The following FBXO36 variants were observed in gnomAD, a reference collection of about 807,000 sequenced individuals.
FBXO36 encodes F-box protein 36.
Under a neutral mutation model 17.0 loss-of-function variants are expected in FBXO36, and 18 were observed. The observed-to-expected ratio is 1.06, with a 90% confidence interval of 0.73 to 1.57. FBXO36 has a LOEUF of 1.57. Among genes scored for constraint, FBXO36 ranks in the 40% most tolerant of loss-of-function variants. The pLI, the probability that FBXO36 is intolerant of heterozygous loss-of-function variation, is 0.00. For missense variants in FBXO36, 229 were observed against 221.9 expected, an observed-to-expected ratio of 1.03 and a Z score of -0.20; for synonymous variants, 83 against 85.3, an observed-to-expected ratio of 0.97 and a Z score of 0.15.
chr2:229,922,550 G>A lies in FBXO36; in HGVS notation c.37G>A (p.Val13Ile), dbSNP rs2076760105. 4 of 1,613,950 alleles carry A rather than the reference G, an allele frequency of 2.5e-6. No individual in the cohort carries two copies. In the South Asian group the frequency reaches 4.4e-5, roughly 18 times the overall value. Residue 13 changes from valine to isoleucine, a missense_variant, in exon 1 of 4, where the codon GTA (valine) becomes ATA (isoleucine). Val to Ile is a conservative substitution (Grantham distance 29). Coordinates refer to ENST00000283946, the MANE Select transcript of FBXO36 (RefSeq NM_174899.5). Reference protein sequence around the residue: ...SWLPETLFETVGQGPPPSKDY... With the variant: ...SWLPETLFETIGQGPPPSKDY... Reference sequence around the variant, plus strand: ...GCTGCCGGAGACTCTCTTTGAAACTGTAGGACAAGGCCCGCCGCCTAGCAA... The same window carrying A: ...GCTGCCGGAGACTCTCTTTGAAACTATAGGACAAGGCCCGCCGCCTAGCAA...
rs754629116 is a variant in FBXO36, at chr2:229,996,882, G to T, written c.337G>T (p.Asp113Tyr). 3 of 1,614,002 alleles carry T rather than the reference G, an allele frequency of 1.9e-6. No individual in the cohort carries two copies. Among genetic ancestry groups the T allele is most frequent in the Non-Finnish European group, 2.5e-6 (3 of 1,179,978 alleles). The stretch of plus-strand genomic sequence containing the variant: ...TATCATTTCTTATCTGGATCTTGAA[G>T]ATATTGCCAGGCTTTGTCAAACATC... ...LTIISYLDLE[D>Y]IARLCQTSHR... Residue 113 changes from aspartate (D) to tyrosine (Y), a missense_variant, in exon 3 of 4, where the codon GAT (aspartate) becomes TAT (tyrosine). Asp to Tyr is a radical substitution (Grantham distance 160). Transcript: ENST00000283946.
chr2:229,948,692 G>A (rs954590958), intron 1 of FBXO36, among the ~76,000 whole-genome samples: 2 of 152,142 alleles, frequency 1.3e-5, no homozygotes, highest in Non-Finnish European at 2.9e-5. Flanking sequence ...TGTCTAGAAT[G>A]CAGATTCTGT....
chr2:229,943,151 C>G (rs572422607), intron 1 of FBXO36: 1 of 152,328 alleles, frequency 6.6e-6, no homozygotes, highest in Non-Finnish European at 1.5e-5. Context: ...CCAGAGACAA[C>G]CTACCTACAG....
At chr2:229,983,485 T>C (rs904948501) in intron 2 of FBXO36, among the ~76,000 whole-genome samples, 4 of 152,098 alleles carry the variant, frequency 2.6e-5, no homozygotes, top group African/African-American at 7.2e-5. Flanking sequence ...TTTTATTTTT[T>C]AGTAGAGATG....
At chr2:229,948,134 CAAAAA>C (rs879538129) in intron 1 of FBXO36, among the ~76,000 whole-genome samples, 1 of 117,390 alleles carries the variant, frequency 8.5e-6, no homozygotes, top group Non-Finnish European at 1.8e-5. Context: ...CCTTTCTCTA[CAAAAA>C]AAAAAAAAAT....
chr2:229,973,895 A>G (rs1346307583), intron 1 of FBXO36, among the ~76,000 whole-genome samples: 1 of 150,732 alleles, frequency 6.6e-6, no homozygotes, highest in Non-Finnish European at 1.5e-5. Flanking sequence ...AAAAAAATAC[A>G]AAAATTAGCC....
At chr2:229,938,747 C>CA (rs1257853278) in intron 1 of FBXO36, among the ~76,000 whole-genome samples, 2 of 119,292 alleles carry the variant, frequency 1.7e-5, no homozygotes, top group Admixed American at 9.6e-5. Flanking sequence ...TTCTTACCCC[C>CA]AAAAAACCTT....
intron 2 of FBXO36, among the ~76,000 whole-genome samples, chr2:229,980,006 T>A (rs1348901036): frequency 6.6e-6 from 1 of 152,140 alleles, no homozygotes; most frequent in Non-Finnish European, 1.5e-5. Context: ...TAAAGTAAAC[T>A]TCCATAAAAC....
chr2:229,983,140 C>G (rs7577278), intron 2 of FBXO36, among the ~76,000 whole-genome samples: 1 of 151,738 alleles, frequency 6.6e-6, no homozygotes, highest in African/African-American at 2.4e-5. Flanking sequence ...CTTTGGGAAG[C>G]CAAGGTGGGT....
chr2:229,967,419 A>C (rs1308101813), intron 1 of FBXO36, among the ~76,000 whole-genome samples: 5 of 152,186 alleles, frequency 3.3e-5, no homozygotes, highest in Non-Finnish European at 7.3e-5. Flanking sequence ...ACCATGTTGA[A>C]TAGGAGTGGT....
chr2:229,933,739 G>A (rs528561559), intron 1 of FBXO36, among the ~76,000 whole-genome samples: 1 of 152,194 alleles, frequency 6.6e-6, no homozygotes, highest in Admixed American at 6.5e-5. Flanking sequence ...AGGCTGGAGT[G>A]CAATAGCACC....
chr2:229,963,564 C>T (rs1330195020), intron 1 of FBXO36, among the ~76,000 whole-genome samples: 1 of 151,796 alleles, frequency 6.6e-6, no homozygotes, highest in African/African-American at 2.4e-5. Flanking sequence ...CCTGCCTCAG[C>T]CTCCCGAGTA....
At chr2:229,924,358 G>T (rs989141934) in intron 1 of FBXO36, among the ~76,000 whole-genome samples, 1 of 152,172 alleles carries the variant, frequency 6.6e-6, no homozygotes, top group Non-Finnish European at 1.5e-5. Flanking sequence ...CTCCCAAATT[G>T]CTAGGATTAT....
At chr2:229,933,088 G>GAGT (rs2076947504) in intron 1 of FBXO36, among the ~76,000 whole-genome samples, 1 of 152,132 alleles carries the variant, frequency 6.6e-6, no homozygotes, top group Admixed American at 6.5e-5. Context: ...GAAAAAAATT[G>GAGT]AGTTTGCATC....
chr2:229,964,204 A>G (rs2077139228), intron 1 of FBXO36, among the ~76,000 whole-genome samples: 1 of 152,086 alleles, frequency 6.6e-6, no homozygotes, highest in African/African-American at 2.4e-5. Context: ...TTGTTTTCAA[A>G]TCACATTTGA....
At chr2:229,956,291 T>C (rs1454371397) in intron 1 of FBXO36, among the ~76,000 whole-genome samples, 3 of 152,344 alleles carry the variant, frequency 2.0e-5, no homozygotes, top group Middle Eastern at 3.4e-3. Context: ...CTTCTTGCTG[T>C]GTCCTGCCAT....
intron 2 of FBXO36, 128 bp from the exon 3 acceptor site, chr2:229,996,623 G>A (rs1434846560): frequency 9.8e-7 from 1 of 1,017,806 alleles, no homozygotes. Flanking sequence ...GGTGAAAGTA[G>A]GAATGACTTA....
chr2:229,940,039 C>G (rs2076990138), intron 1 of FBXO36, among the ~76,000 whole-genome samples: 1 of 151,802 alleles, frequency 6.6e-6, no homozygotes, highest in African/African-American at 2.4e-5. Flanking sequence ...GGGACTGCGC[C>G]ACTGCATTGC....
intron 2 of FBXO36, among the ~76,000 whole-genome samples, chr2:229,985,117 G>A (rs925058189): frequency 6.6e-6 from 1 of 152,100 alleles, no homozygotes; most frequent in African/African-American, 2.4e-5. Context: ...CAACACATTT[G>A]ACCTTAATAA....
Sources: gnomAD v4.1 joint callset for allele counts (sites outside exome capture counted in the v4.1 genomes callset) on GRCh38, gnomAD v4.1.1 for gene constraint, MANE v1.5 for transcripts, NCBI Gene and HGNC (gene_info 2026-07-23, HGNC 2026-07-21) for gene names.